The following SLC30A3 variants were observed in gnomAD, a reference collection of about 807,000 sequenced individuals.
SLC30A3 encodes probable proton-coupled zinc antiporter SLC30A3.
SLC30A3 carries 20 observed loss-of-function variants against 35.6 expected under a neutral mutation model. The observed-to-expected ratio is 0.56, with a 90% CI of 0.39 to 0.82. SLC30A3 has a LOEUF of 0.82. Among genes scored for constraint, SLC30A3 ranks in the 40% least tolerant of loss-of-function variants. SLC30A3 has a pLI of 0.00. For synonymous variants in SLC30A3, 217 were observed against 224.7 expected (o/e 0.97, Z 0.31); for missense variants, 401 against 530.6 (o/e 0.76, Z 2.40).
rs897882534 is a variant in SLC30A3, at chr2:27,271,765, C to T, written c.-159+3412G>A. On this transcript the variant is annotated intron_variant, in intron 1 of 5. Coordinates refer to the SLC30A3 transcript ENST00000424577. The surrounding 1 kb of genome is among the most constrained non-coding windows in gnomAD (Gnocchi z 4.3). ...AGCCACTGGCCAAAGGAGGCCAGGC[C>T]GACTGGGCCGTGCTACTCCCACCTC... 3.3e-5 allele frequency among the ~76,000 whole-genome samples: 5 copies of T among 152,182 alleles called. No individual in the cohort carries two copies. Among genetic ancestry groups the T allele is most frequent in the African/African-American group, 1.2e-4 (5 of 41,440 alleles).
Position 27,255,405 on chromosome 2 carries a change from G to A in SLC30A3, c.1074C>T (p.Ser358=). Residue 358 remains serine, a synonymous_variant, in exon 8 of 8, where the codon TCC becomes TCT. Coordinates refer to ENST00000233535, the MANE Select transcript of SLC30A3 (RefSeq NM_003459.5). The surrounding 1 kb of genome is among the most constrained non-coding windows in gnomAD (Gnocchi z 5.2). ...VLAEASSRLY[S]RFGFSSCTLQ... ...GGGTGCAGCTGGAGAATCCAAACCG[G>A]GAGTAGAGCCGGGATGAGGCTTCAG... The A allele has an allele frequency of 1.2e-6, 2 of 1,614,154 alleles. No homozygotes were observed. The highest frequency in any genetic ancestry group is 1.7e-6 in the Non-Finnish European group (2 of 1,180,036).
At chr2:27,261,480 C>T (rs1220288735) in intron 1 of SLC30A3, among the ~76,000 whole-genome samples, 1 of 152,140 alleles carries the variant, frequency 6.6e-6, no homozygotes, top group Non-Finnish European at 1.5e-5. Context: ...GCTTTGGGGG[C>T]AGTGGGCAAC....
intron 1 of SLC30A3, among the ~76,000 whole-genome samples, chr2:27,260,921 C>T (rs181196723): frequency 1.3e-5 from 2 of 152,228 alleles, no homozygotes; most frequent in Admixed American, 1.3e-4. Context: ...CCAGGCAGAG[C>T]ACACATAATG....
intron 1 of SLC30A3, among the ~76,000 whole-genome samples, chr2:27,261,685 C>T (rs954362756): frequency 1.3e-5 from 2 of 152,002 alleles, no homozygotes; most frequent in African/African-American, 4.8e-5. Flanking sequence ...CCTGGCCCTC[C>T]GAAACCCCCA....
In SLC30A3 at chr2:27,255,474, A is replaced by G; in HGVS notation, c.1019-14T>C. 3 of 1,611,542 alleles carry G rather than the reference A, an allele frequency of 1.9e-6. No homozygotes were observed. The highest frequency in any genetic ancestry group is 2.2e-5 in the East Asian group (1 of 44,810). On this transcript the variant is annotated splice_polypyrimidine_tract_variant and intron_variant, in intron 7 of 7. Coordinates refer to ENST00000233535, the MANE Select transcript of SLC30A3 (RefSeq NM_003459.5). This position sits in a 1 kb window ranked among gnomAD's most constrained non-coding sequence, Gnocchi z 5.2. ...CAGCGGTGGAGTCTGTGGGAGAGTG[A>G]TAAGAGGCGGCATCCATCCCGGGGG... is the stretch of plus-strand genomic sequence containing the variant.
chr2:27,264,903 C>T (rs1449238030), upstream of SLC30A3, among the ~76,000 whole-genome samples: 1 of 152,208 alleles, frequency 6.6e-6, no homozygotes, highest in Non-Finnish European at 1.5e-5. This position sits in a 1 kb window ranked among gnomAD's most constrained non-coding sequence, Gnocchi z 6.1. Context: ...TCGGGCCCGG[C>T]GCCGTCGGTT....
rs1677740955 is a variant in SLC30A3, at chr2:27,271,904, T to C, written c.-159+3273A>G. On this transcript the variant is annotated intron_variant, in intron 1 of 5. Coordinates refer to the SLC30A3 transcript ENST00000424577. The surrounding 1 kb of genome is among the most constrained non-coding windows in gnomAD (Gnocchi z 4.3). ...GATTAGTTAGAATGTCAGAGGGCCA[T>C]GATAAGAAGTGAAAACATTCTGCAG... Among the ~76,000 whole-genome samples the C allele has an allele frequency of 6.6e-6, 1 of 152,242 alleles. No individual in the cohort carries two copies. The highest frequency in any genetic ancestry group is 6.5e-5 in the Admixed American group (1 of 15,282).
chr2:27,265,470 T>C (rs571927921), upstream of SLC30A3, among the ~76,000 whole-genome samples: 4 of 152,360 alleles, frequency 2.6e-5, no homozygotes, highest in African/African-American at 9.6e-5. The surrounding 1 kb of genome is among the most constrained non-coding windows in gnomAD (Gnocchi z 5.9). Flanking sequence ...TCAAGTGCGA[T>C]TCTCTGCACT....
At chr2:27,266,890 C>T (rs1677521186), upstream of SLC30A3, among the ~76,000 whole-genome samples, 1 of 152,050 alleles carries the variant, frequency 6.6e-6, no homozygotes, top group South Asian at 2.1e-4. Context: ...GGTGAGATTC[C>T]ATCTCATAAA....
At position 27,254,851 on chromosome 2, in the gene SLC30A3, C is replaced by T. The variant is rs538396657; in HGVS notation, c.*461G>A. The stretch of plus-strand genomic sequence containing the variant: ...CGGACAAAGTGCGGGCTTTGGGGCC[C>T]CTGCATAGACAGAGCGAGGGCCATG... On this transcript the variant is annotated 3_prime_UTR_variant, in exon 8 of 8. Coordinates refer to ENST00000233535, the MANE Select transcript of SLC30A3 (RefSeq NM_003459.5). The T allele has an allele frequency of 1.8e-4, 55 of 306,996 alleles. No homozygotes were observed. The highest frequency in any genetic ancestry group is 3.1e-4 in the Non-Finnish European group (49 of 159,164). The allele number at this position is 306,996 out of a possible 1,614,324, so 19.0% of individuals were successfully genotyped here.
Position 27,258,634 on chromosome 2 carries a change from C to T in SLC30A3, c.277+119G>A. ...TCCTGAGTCCTGGGCACCCAGCTCCCCTATCCCAGCCATCCCCATCTCTGC... is the reference window on the plus strand; with the variant it reads ...TCCTGAGTCCTGGGCACCCAGCTCCTCTATCCCAGCCATCCCCATCTCTGC... On this transcript the variant is annotated intron_variant, in intron 2 of 7. Coordinates refer to ENST00000233535, the MANE Select transcript of SLC30A3 (RefSeq NM_003459.5). This position sits in a 1 kb window ranked among gnomAD's most constrained non-coding sequence, Gnocchi z 4.0. The T allele has an allele frequency of 8.7e-7, 1 of 1,147,186 alleles. No individual in the cohort carries two copies. 71.1% of individuals were successfully genotyped at this position (1,147,186 alleles called of 1,614,324 possible).
intron 1 of SLC30A3, among the ~76,000 whole-genome samples, chr2:27,269,208 CTTTTTTTTTT>C (rs368309600): frequency 1.6e-5 from 2 of 127,914 alleles, no homozygotes; most frequent in African/African-American, 2.9e-5. Context: ...CTTTTTCTTT[CTTTTTTTTTT>C]TTTTTGGAGA....
chr2:27,262,424 G>C lies in SLC30A3; in HGVS notation c.95+388C>G, dbSNP rs911736052. Among the ~76,000 whole-genome samples, 1 of 151,914 alleles carries C rather than the reference G, an allele frequency of 6.6e-6. No homozygotes were observed. The highest frequency in any genetic ancestry group is 6.6e-5 in the Admixed American group (1 of 15,262). On this transcript the variant is annotated intron_variant, in intron 1 of 7. Coordinates refer to ENST00000233535, the MANE Select transcript of SLC30A3 (RefSeq NM_003459.5). The surrounding 1 kb of genome is among the most constrained non-coding windows in gnomAD (Gnocchi z 7.5). ...GCCTACAGAGGGAGCTCTGAAGCCT[G>C]GGCAGCGAGGCGCTCCCGCCCTGGG...
Position 27,257,946 on chromosome 2 carries a change from G to A in SLC30A3, c.537C>T (p.Ala179=). Residue 179 remains alanine, a synonymous_variant, in exon 4 of 8, where the codon GCC becomes GCT. Coordinates refer to ENST00000233535, the MANE Select transcript of SLC30A3 (RefSeq NM_003459.5). The surrounding 1 kb of genome is among the most constrained non-coding windows in gnomAD (Gnocchi z 4.7). ...LHSDYHIEGG[A]MLLTASIAVC... is the part of the protein sequence containing the mutation. ...CTGCGATGCTGGCGGTCAGCAGCAT[G>A]GCACCCCCCTCGATGTGGTAGTCGC... is the stretch of plus-strand genomic sequence containing the variant. 2 of 1,614,200 alleles carry A rather than the reference G, an allele frequency of 1.2e-6. No homozygotes were observed. Among genetic ancestry groups the A allele is most frequent in the Non-Finnish European group, 1.7e-6 (2 of 1,180,028 alleles).
Position 27,262,758 on chromosome 2 carries a change from G to A in SLC30A3, c.95+54C>T, listed in dbSNP as rs1052636319. The A allele has an allele frequency of 2.8e-6, 4 of 1,442,892 alleles. No homozygotes were observed. The highest frequency in any genetic ancestry group is 3.2e-5 in the Admixed American group (1 of 30,990). 89.4% of individuals were successfully genotyped at this position (1,442,892 alleles called of 1,614,324 possible). On this transcript the variant is annotated intron_variant, in intron 1 of 7. Coordinates refer to ENST00000233535, the MANE Select transcript of SLC30A3 (RefSeq NM_003459.5). This position sits in a 1 kb window ranked among gnomAD's most constrained non-coding sequence, Gnocchi z 7.5. ...CGCCGAGAGAGACAACGAAATGGACGGAGGGTAGTAGGGTGGCGCCCCCGG... is the reference window on the plus strand; with the variant it reads ...CGCCGAGAGAGACAACGAAATGGACAGAGGGTAGTAGGGTGGCGCCCCCGG...
At position 27,262,738 on chromosome 2, in the gene SLC30A3, A is replaced by G; in HGVS notation, c.95+74T>C. The G allele has an allele frequency of 1.5e-6, 2 of 1,378,550 alleles. No individual in the cohort carries two copies. Among genetic ancestry groups the G allele is most frequent in the East Asian group, 3.1e-5 (1 of 32,724 alleles). 85.4% of individuals were successfully genotyped at this position (1,378,550 alleles called of 1,614,324 possible). ...GGGGCGGCCGCCGGGGCCCGCGCCG[A>G]GAGAGACAACGAAATGGACGGAGGG... On this transcript the variant is annotated intron_variant, in intron 1 of 7. Coordinates refer to ENST00000233535, the MANE Select transcript of SLC30A3 (RefSeq NM_003459.5). This position sits in a 1 kb window ranked among gnomAD's most constrained non-coding sequence, Gnocchi z 7.5.
chr2:27,268,567 C>A (rs1164700872), intron 1 of SLC30A3, among the ~76,000 whole-genome samples: 2 of 152,078 alleles, frequency 1.3e-5, no homozygotes, highest in East Asian at 3.9e-4. Context: ...TCCTGGCTAA[C>A]ACAGTGAAAC....
chr2:27,257,859 C>T lies in SLC30A3; in HGVS notation c.578+46G>A, dbSNP rs750198351. 1 of 1,570,754 alleles carries T rather than the reference C, an allele frequency of 6.4e-7. No individual in the cohort carries two copies. Among genetic ancestry groups the T allele is most frequent in the Non-Finnish European group, 8.7e-7 (1 of 1,153,900 alleles). On this transcript the variant is annotated intron_variant, in intron 4 of 7. Transcript: ENST00000233535. The surrounding 1 kb of genome is among the most constrained non-coding windows in gnomAD (Gnocchi z 4.7). Reference sequence around the variant, plus strand: ...AGCTCTCCCATCCTGGAGGAAGACCCCTCGCCCTGGGCCCCACAAGGTGCC... The same window carrying T: ...AGCTCTCCCATCCTGGAGGAAGACCTCTCGCCCTGGGCCCCACAAGGTGCC...
At position 27,271,097 on chromosome 2, in the gene SLC30A3, C is replaced by T. The variant is rs1226401691; in HGVS notation, c.-159+4080G>A. The stretch of plus-strand genomic sequence containing the variant: ...ACTTTCTTCAATTATAAAATGAAGG[C>T]GTTGGATTCAAGTTAAATCTCTGAG... On this transcript the variant is annotated intron_variant, in intron 1 of 5. Transcript: ENST00000424577. The surrounding 1 kb of genome is among the most constrained non-coding windows in gnomAD (Gnocchi z 4.3). Among the ~76,000 whole-genome samples, 2 of 152,082 alleles carry T rather than the reference C, an allele frequency of 1.3e-5. No individual in the cohort carries two copies. Among genetic ancestry groups the T allele is most frequent in the African/African-American group, 2.4e-5 (1 of 41,404 alleles).
Sources: gnomAD v4.1 joint callset for allele counts (sites outside exome capture counted in the v4.1 genomes callset) on GRCh38, gnomAD v4.1.1 for gene constraint, Gnocchi (gnomAD v3.1) non-coding constraint, MANE v1.5 for transcripts, NCBI Gene and HGNC (gene_info 2026-07-23, HGNC 2026-07-21) for gene names.